Variants in SLC8A1 observed in about 807,000 individuals in gnomAD.
SLC8A1 encodes the protein sodium/calcium exchanger 1.
In SLC8A1, 18 loss-of-function variants were observed where a neutral mutation model predicts 68.3. The ratio of observed to expected loss-of-function variants is 0.26; its 90% CI spans 0.18 to 0.39. The LOEUF is 0.39. Ranked by LOEUF, SLC8A1 falls within the 10% of genes least tolerant of loss-of-function variation. The probability of loss-of-function intolerance (pLI) is 1.00; values close to 1 mark genes in which losing one functional copy is unlikely to be tolerated. For missense variants in SLC8A1, 985 were observed against 1,156.7 expected, an observed-to-expected ratio of 0.85 and a Z score of 2.15; for synonymous variants, 475 against 415.5, an observed-to-expected ratio of 1.14 and a Z score of -1.74.
chr2:40,113,078 G>A (rs544230751), exon 8 of SLC8A1: 1 of 152,304 alleles, frequency 6.6e-6, no homozygotes, highest in African/African-American at 2.4e-5. Flanking sequence ...CCTTCTGAGG[G>A]CAGGGATCTA....
intron 2 of SLC8A1, among the ~76,000 whole-genome samples, chr2:40,343,759 T>C (rs974699503): frequency 4.6e-5 from 7 of 152,222 alleles, no homozygotes; most frequent in South Asian, 2.1e-4. Context: ...ATGGGAAATA[T>C]AGTTTGAAAA....
rs546850921 is a variant in SLC8A1, at chr2:40,276,300, A to T, written c.1809-98445T>A. ...TCTTTTGGTGACCACATGTTCCTTA[A>T]CTGAGTGTCTTTATAAGGGAGGTAT... On this transcript the variant is annotated intron_variant, in intron 2 of 7. Transcript: ENST00000406785. 8.9e-4 allele frequency among the ~76,000 whole-genome samples: 136 copies of T among 152,256 alleles called. 1 individual carries two copies. Among genetic ancestry groups the T allele is most frequent in the African/African-American group, 3.2e-3 (131 of 41,552 alleles).
intron 2 of SLC8A1, among the ~76,000 whole-genome samples, chr2:40,411,746 AG>A (rs1331404147): frequency 6.6e-6 from 1 of 152,092 alleles, no homozygotes; most frequent in Non-Finnish European, 1.5e-5. Flanking sequence ...TTCACAAAAA[AG>A]CAAGAGTAAA....
At chr2:40,444,686 T>C (rs924083744) in intron 1 of SLC8A1, among the ~76,000 whole-genome samples, 2 of 152,144 alleles carry the variant, frequency 1.3e-5, no homozygotes, top group Non-Finnish European at 2.9e-5. Flanking sequence ...TTAAAATTAC[T>C]GGAAAAAAAA....
intron 2 of SLC8A1, among the ~76,000 whole-genome samples, chr2:40,227,660 G>A (rs566662588): frequency 5.9e-5 from 9 of 151,932 alleles, no homozygotes; most frequent in Non-Finnish European, 8.8e-5. Context: ...CATGACACAA[G>A]TTTATCTATG....
chr2:40,380,763 C>T (rs1681479490), intron 2 of SLC8A1, among the ~76,000 whole-genome samples: 1 of 152,032 alleles, frequency 6.6e-6, no homozygotes, highest in Non-Finnish European at 1.5e-5. Flanking sequence ...GGGCTTTTCA[C>T]AAAGGAAAAG....
chr2:40,356,681 G>A (rs1330901101), intron 2 of SLC8A1, among the ~76,000 whole-genome samples: 5 of 151,960 alleles, frequency 3.3e-5, no homozygotes, highest in African/African-American at 1.2e-4. Flanking sequence ...GCCCCATGCA[G>A]AGAAGGGTCC....
intron 2 of SLC8A1, among the ~76,000 whole-genome samples, chr2:40,280,152 T>G (rs564450247): frequency 6.8e-6 from 1 of 147,958 alleles, no homozygotes; most frequent in African/African-American, 2.5e-5. Flanking sequence ...AAAACAGACA[T>G]GAATATTGAT....
intron 2 of SLC8A1, among the ~76,000 whole-genome samples, chr2:40,249,497 G>A (rs747831888): frequency 6.6e-6 from 1 of 152,182 alleles, no homozygotes; most frequent in Non-Finnish European, 1.5e-5. Flanking sequence ...TTAAATGGGT[G>A]GAGAGGCCTG....
At chr2:40,251,888 G>A (rs761225308) in intron 2 of SLC8A1, 1 of 151,934 alleles carries the variant, frequency 6.6e-6, no homozygotes, top group Non-Finnish European at 1.5e-5. Flanking sequence ...AATATACATC[G>A]GGTATTATGA....
At chr2:40,234,450 G>C (rs1437052816) in intron 2 of SLC8A1, among the ~76,000 whole-genome samples, 1 of 152,064 alleles carries the variant, frequency 6.6e-6, no homozygotes, top group Non-Finnish European at 1.5e-5. Context: ...CATTGATTTT[G>C]TATCCTGAGA....
chr2:40,259,641 C>G (rs776857738), intron 2 of SLC8A1, among the ~76,000 whole-genome samples: 10 of 152,146 alleles, frequency 6.6e-5, no homozygotes, highest in African/African-American at 2.4e-4. Flanking sequence ...CTAACCCCAT[C>G]TCAATCTTTA....
rs186550853 is a variant in SLC8A1 at position 40,344,831 on chromosome 2, C to T, written c.1808+83642G>A. 3.5e-4 allele frequency among the ~76,000 whole-genome samples: 53 copies of T among 152,224 alleles called. 1 individual carries two copies. The East Asian group carries it at 7.5e-3, about 22-fold the overall frequency. The stretch of plus-strand genomic sequence containing the variant: ...AGACTAATCTTAAGAATTCATGGAC[C>T]TGATACTCAAAACTGAACATTCAGC... On this transcript the variant is annotated intron_variant, in intron 2 of 7. Transcript: ENST00000406785.
At chr2:40,180,739 C>T (rs968211125) in intron 2 of SLC8A1, among the ~76,000 whole-genome samples, 1 of 152,104 alleles carries the variant, frequency 6.6e-6, no homozygotes, top group Non-Finnish European at 1.5e-5. Context: ...ATTTGCAACC[C>T]ACCCTGCATC....
At chr2:40,396,459 A>G (rs911338685) in intron 2 of SLC8A1, among the ~76,000 whole-genome samples, 24 of 152,140 alleles carry the variant, frequency 1.6e-4, no homozygotes, top group African/African-American at 5.6e-4. Context: ...TTCTAGTAGC[A>G]CAGTGCAAAT....
chr2:40,459,160 A>C (rs1174924314), intron 1 of SLC8A1, among the ~76,000 whole-genome samples: 1 of 152,208 alleles, frequency 6.6e-6, no homozygotes, highest in South Asian at 2.1e-4. Flanking sequence ...GACAGGCAAC[A>C]AGCAAAATAA....
intron 1 of SLC8A1, among the ~76,000 whole-genome samples, chr2:40,434,095 T>C (rs1698930757): frequency 6.6e-6 from 1 of 152,100 alleles, no homozygotes; most frequent in African/African-American, 2.4e-5. Flanking sequence ...CTGCCCTTTA[T>C]CCCTTCCCTA....
chr2:40,410,499 C>T (rs1055918245), intron 2 of SLC8A1, among the ~76,000 whole-genome samples: 7 of 151,454 alleles, frequency 4.6e-5, no homozygotes, highest in Admixed American at 2.0e-4. Context: ...CAAATATTTC[C>T]GGGGAAAAAC....
intron 6 of SLC8A1, among the ~76,000 whole-genome samples, chr2:40,160,427 C>A (rs571065194): frequency 1.3e-5 from 2 of 152,266 alleles, no homozygotes; most frequent in South Asian, 4.1e-4. Flanking sequence ...TTGACCTTGA[C>A]TTGGCCACCT....
Sources: gnomAD v4.1 joint callset for allele counts (sites outside exome capture counted in the v4.1 genomes callset) on GRCh38, gnomAD v4.1.1 for gene constraint, MANE v1.5 for transcripts, NCBI Gene and HGNC (gene_info 2026-07-23, HGNC 2026-07-21) for gene names.